STIM1: variants seen among roughly 807,000 people sequenced by gnomAD.
STIM1 encodes stromal interaction molecule 1.
A neutral mutation model predicts 74.7 loss-of-function variants in STIM1; 25 were observed. The ratio of observed to expected loss-of-function variants is 0.33; its 90% confidence interval spans 0.24 to 0.47. STIM1 has a LOEUF of 0.47. STIM1 is among the 20% of genes least tolerant of loss of function. The pLI is 1.00. For missense variants in STIM1, 728 were observed against 920.8 expected, an observed-to-expected ratio of 0.79 and a Z score of 2.71; for synonymous variants, 328 against 348.8, an observed-to-expected ratio of 0.94 and a Z score of 0.66.
At chr11:4,023,755 C>T in intron 2 of STIM1, 118 bp from the exon 3 acceptor site, 1 of 736,456 alleles carries the variant, frequency 1.4e-6, no homozygotes, top group East Asian at 2.7e-5. Flanking sequence ...ATGTGATACA[C>T]TTGTATGTTG....
chr11:3,863,546 C>A lies in STIM1; in HGVS notation c.139+7137C>A, dbSNP rs1305638222. On this transcript the variant is annotated intron_variant, in intron 1 of 12. Transcript: ENST00000526596. ...GTGCTGGGATTACAGGCATGAGCCA[C>A]TGTGCCCCAGCCAAATCTGAAAATA... Among the ~76,000 whole-genome samples the A allele has an allele frequency of 3.3e-5, 5 of 152,194 alleles. 1 individual carries two copies. The highest frequency in any genetic ancestry group is 1.2e-4 in the African/African-American group (5 of 41,446).
chr11:3,861,691 T>C (rs746545723), intron 1 of STIM1, among the ~76,000 whole-genome samples: 1 of 152,228 alleles, frequency 6.6e-6, no homozygotes, highest in Admixed American at 6.5e-5. Flanking sequence ...CCATATGTAA[T>C]TGAAGGAAAT....
At chr11:3,862,876 A>G (rs1432061311) in intron 1 of STIM1, among the ~76,000 whole-genome samples, 2 of 150,604 alleles carry the variant, frequency 1.3e-5, no homozygotes, top group East Asian at 3.9e-4. Context: ...ACACACACAC[A>G]CACGCACACA....
At chr11:3,939,839 C>T (rs1414556210) in intron 1 of STIM1, among the ~76,000 whole-genome samples, 1 of 152,162 alleles carries the variant, frequency 6.6e-6, no homozygotes, top group African/African-American at 2.4e-5. Context: ...TCTCTGAGCA[C>T]CTTTTGGGTT....
chr11:4,037,694 T>C (rs2094115156), intron 3 of STIM1, among the ~76,000 whole-genome samples: 1 of 152,172 alleles, frequency 6.6e-6, no homozygotes, highest in South Asian at 2.1e-4. Context: ...GTGCATATAG[T>C]TGGGTCCTAT....
chr11:3,989,594 TG>T, intron 2 of STIM1: 1 of 441,012 alleles, frequency 2.3e-6, no homozygotes. Context: ...GAAGGGGCGG[TG>T]GGAGAACCCT....
At position 4,091,876 on chromosome 11, in the gene STIM1, A is replaced by G. The variant is rs1278005833; in HGVS notation, c.*78A>G. 3.2e-5 allele frequency: 50 copies of G among 1,579,538 alleles called. No individual in the cohort carries two copies. Among genetic ancestry groups the G allele is most frequent in the Non-Finnish European group, 4.2e-5 (49 of 1,168,322 alleles). On this transcript the variant is annotated 3_prime_UTR_variant, in exon 13 of 13. Transcript: ENST00000526596. ...CTCTCCTTCCCTCCCTTCCTTCAAG[A>G]TAACTGGCCCCAAGAGTGGGGCATG...
rs370216363 is a variant in STIM1 at position 4,056,288 on chromosome 11, C to T, written c.497+651C>T. 1.1e-4 allele frequency among the ~76,000 whole-genome samples: 16 copies of T among 152,290 alleles called. No homozygotes were observed. The East Asian group carries it at 2.1e-3, about 20-fold the overall frequency. ...TTCATAACTCTTTGCCTACTTTACA[C>T]GCTGAATATGCTAGGGCTTGGGCTG... On this transcript the variant is annotated intron_variant, in intron 4 of 12. Transcript: ENST00000526596.
At chr11:3,960,627 T>C (rs904793121) in intron 1 of STIM1, among the ~76,000 whole-genome samples, 1 of 152,252 alleles carries the variant, frequency 6.6e-6, no homozygotes, top group Admixed American at 6.5e-5. Flanking sequence ...GGATTTCACA[T>C]TGCAACTAAC....
At chr11:3,869,496 A>G (rs969276074) in intron 1 of STIM1, among the ~76,000 whole-genome samples, 8 of 152,188 alleles carry the variant, frequency 5.3e-5, no homozygotes, top group African/African-American at 1.9e-4. Flanking sequence ...CAGATACTTC[A>G]GGTAGAAATA....
chr11:4,003,692 C>T (rs1386533216), intron 2 of STIM1, among the ~76,000 whole-genome samples: 1 of 152,192 alleles, frequency 6.6e-6, no homozygotes, highest in Non-Finnish European at 1.5e-5. Context: ...ACGGGATGCC[C>T]TCTCTCACCA....
chr11:3,897,422 T>C (rs2092214278), intron 1 of STIM1, among the ~76,000 whole-genome samples: 2 of 152,240 alleles, frequency 1.3e-5, no homozygotes, highest in Non-Finnish European at 1.5e-5. Context: ...CTACTACTTT[T>C]GGGTCCTGTC....
chr11:3,885,431 C>T (rs2091670433), intron 1 of STIM1, among the ~76,000 whole-genome samples: 2 of 152,248 alleles, frequency 1.3e-5, no homozygotes, highest in South Asian at 2.1e-4. Context: ...AAGTGATCTG[C>T]CTGCCTTGGC....
At chr11:3,943,509 GTTT>G (rs1590588688) in intron 1 of STIM1, among the ~76,000 whole-genome samples, 1 of 151,900 alleles carries the variant, frequency 6.6e-6, no homozygotes. Flanking sequence ...AACTTTTTTT[GTTT>G]TTTCTTCTGG....
intron 1 of STIM1, among the ~76,000 whole-genome samples, chr11:3,864,859 G>A (rs550112595): frequency 1.3e-5 from 2 of 152,312 alleles, no homozygotes; most frequent in South Asian, 2.1e-4. Flanking sequence ...GTCTTGTGGA[G>A]TCTTTTTATA....
chr11:3,861,128 G>A (rs1185440723), intron 1 of STIM1, among the ~76,000 whole-genome samples: 1 of 152,028 alleles, frequency 6.6e-6, no homozygotes, highest in Non-Finnish European at 1.5e-5. Flanking sequence ...TCACTGTTTG[G>A]TAGCTGGATG....
chr11:3,911,191 C>T (rs1590556900), intron 1 of STIM1, among the ~76,000 whole-genome samples: 2 of 152,242 alleles, frequency 1.3e-5, no homozygotes, highest in East Asian at 3.9e-4. Flanking sequence ...TTCCAGTTGG[C>T]TGCCAGAATC....
chr11:3,993,460 C>T (rs2093633473), intron 2 of STIM1, among the ~76,000 whole-genome samples: 1 of 152,090 alleles, frequency 6.6e-6, no homozygotes, highest in Non-Finnish European at 1.5e-5. Context: ...AGTTTGAGAC[C>T]AGCCTGGCCA....
chr11:4,090,433 G>A (rs1049538898), intron 12 of STIM1, among the ~76,000 whole-genome samples: 3 of 152,094 alleles, frequency 2.0e-5, no homozygotes, highest in African/African-American at 7.2e-5. Context: ...CCTTCCTGCC[G>A]CACCACAGAC....
Sources: allele counts gnomAD v4.1 joint callset (sites outside exome capture counted in the v4.1 genomes callset), GRCh38; gene constraint gnomAD v4.1.1; transcripts MANE v1.5; gene names NCBI Gene and HGNC (gene_info 2026-07-23, HGNC 2026-07-21).